TMEM161B: variants seen among roughly 807,000 people sequenced by gnomAD.
The protein encoded by TMEM161B is transmembrane protein 161B.
Under a neutral mutation model 61.8 loss-of-function variants are expected in TMEM161B, and 34 were observed. The observed-to-expected ratio is 0.55, with a 90% confidence interval of 0.42 to 0.73. The LOEUF is 0.73. Among genes scored for constraint, TMEM161B ranks in the 30% least tolerant of loss-of-function variants. The pLI, the probability that TMEM161B is intolerant of heterozygous loss-of-function variation, is 0.00. For missense variants in TMEM161B, 456 were observed against 558.5 expected, an observed-to-expected ratio of 0.82 and a Z score of 1.85; for synonymous variants, 167 against 192.8, an observed-to-expected ratio of 0.87 and a Z score of 1.11.
At chr5:88,192,024 A>ATATGTATG (rs371093617), downstream of TMEM161B, among the ~76,000 whole-genome samples, 1 of 51,504 alleles carries the variant, frequency 1.9e-5, no homozygotes, top group Non-Finnish European at 3.5e-5. Context: ...ATATATATAT[A>ATATGTATG]TATGTATATA....
At chr5:88,210,016 T>C (rs1487560432) in intron 5 of TMEM161B, among the ~76,000 whole-genome samples, 1 of 152,240 alleles carries the variant, frequency 6.6e-6, no homozygotes, top group Non-Finnish European at 1.5e-5. Flanking sequence ...AATCATATAC[T>C]ATCTTAAACT....
chr5:88,192,342 A>G (rs966460491), downstream of TMEM161B, among the ~76,000 whole-genome samples: 1 of 152,120 alleles, frequency 6.6e-6, no homozygotes, highest in Non-Finnish European at 1.5e-5. Flanking sequence ...AAGGAGTCCC[A>G]TGGTAACAGA....
downstream of TMEM161B, among the ~76,000 whole-genome samples, chr5:88,190,603 C>A (rs572477827): frequency 6.6e-6 from 1 of 152,310 alleles, no homozygotes; most frequent in Non-Finnish European, 1.5e-5. Context: ...TGAGTCAGTG[C>A]GGGAATTCCC....
chr5:88,235,887 C>A (rs538052887), intron 2 of TMEM161B, among the ~76,000 whole-genome samples: 1 of 152,286 alleles, frequency 6.6e-6, no homozygotes, highest in East Asian at 1.9e-4. Context: ...ATTATATACA[C>A]TTGTTAGAAA....
chr5:88,197,805 C>CA (rs750805044), intron 10 of TMEM161B, 40 bp from the exon 11 acceptor site: 1 of 1,542,656 alleles, frequency 6.5e-7, no homozygotes, highest in Non-Finnish European at 8.9e-7. Flanking sequence ...ATGCAACTGA[C>CA]ATGTTAGGAG....
At chr5:88,199,641 C>T (rs1743997620) in intron 9 of TMEM161B, 1 of 152,248 alleles carries the variant, frequency 6.6e-6, no homozygotes, top group South Asian at 2.1e-4. Context: ...ATGAAGAAAT[C>T]AGGTGCCTGA....
At chr5:88,201,664 T>C (rs1235772478) in intron 9 of TMEM161B, 1 of 152,060 alleles carries the variant, frequency 6.6e-6, no homozygotes, top group Non-Finnish European at 1.5e-5. Context: ...CAAGGAAGGA[T>C]TGGGAATGCT....
At chr5:88,220,320 G>A (rs1392260963) in intron 5 of TMEM161B, among the ~76,000 whole-genome samples, 1 of 151,994 alleles carries the variant, frequency 6.6e-6, no homozygotes, top group African/African-American at 2.4e-5. Context: ...CCTAAAAGAG[G>A]TGAATGTGGC....
intron 4 of TMEM161B, among the ~76,000 whole-genome samples, chr5:88,224,573 T>C (rs1307930695): frequency 6.6e-6 from 1 of 152,242 alleles, no homozygotes; most frequent in South Asian, 2.1e-4. Flanking sequence ...TAAATTTTTC[T>C]GATTTGTAAT....
chr5:88,203,265 T>A (rs529387775), intron 8 of TMEM161B, among the ~76,000 whole-genome samples, 190 bp from the exon 9 acceptor site: 1 of 152,164 alleles, frequency 6.6e-6, no homozygotes, highest in African/African-American at 2.4e-5. Context: ...TGAGAAATTA[T>A]ATCATTATCT....
chr5:88,219,612 T>C (rs1016139374), intron 5 of TMEM161B, among the ~76,000 whole-genome samples: 5 of 152,152 alleles, frequency 3.3e-5, no homozygotes, highest in Non-Finnish European at 7.4e-5. Flanking sequence ...AGAGGGTTTA[T>C]GTACAAGGCG....
chr5:88,224,707 C>T (rs918228373), intron 4 of TMEM161B, among the ~76,000 whole-genome samples: 5 of 152,208 alleles, frequency 3.3e-5, no homozygotes, highest in Admixed American at 1.3e-4. Context: ...TTGAACTGTG[C>T]GTGTCTACTT....
intron 4 of TMEM161B, among the ~76,000 whole-genome samples, 168 bp from the exon 5 acceptor site, chr5:88,220,887 T>C (rs974543759): frequency 2.0e-5 from 3 of 152,122 alleles, no homozygotes; most frequent in Non-Finnish European, 4.4e-5. Context: ...ATGCAAGAAA[T>C]AGACTGAGGA....
chr5:88,253,555 T>G (rs1259988723), intron 1 of TMEM161B, among the ~76,000 whole-genome samples: 1 of 152,176 alleles, frequency 6.6e-6, no homozygotes, highest in Non-Finnish European at 1.5e-5. Context: ...AGAAATAATG[T>G]GAAGTTCCAC....
downstream of TMEM161B, among the ~76,000 whole-genome samples, chr5:88,189,177 T>TATA (rs1427982411): frequency 6.6e-6 from 1 of 152,196 alleles, no homozygotes; most frequent in Non-Finnish European, 1.5e-5. Flanking sequence ...TGGGTGGCAT[T>TATA]ATACACACAA....
intron 5 of TMEM161B, among the ~76,000 whole-genome samples, chr5:88,209,896 C>A (rs990035054): frequency 6.6e-6 from 1 of 152,188 alleles, no homozygotes; most frequent in Non-Finnish European, 1.5e-5. Flanking sequence ...CAAGACTCAA[C>A]AAAAGCTCCA....
At chr5:88,221,451 T>C in intron 4 of TMEM161B, 1 of 253,082 alleles carries the variant, frequency 4.0e-6, no homozygotes, top group Non-Finnish European at 8.0e-6. Flanking sequence ...GTGAGCTGAG[T>C]TCACACCATG....
At chr5:88,214,966 C>A (rs1747551348) in intron 5 of TMEM161B, among the ~76,000 whole-genome samples, 1 of 152,190 alleles carries the variant, frequency 6.6e-6, no homozygotes. Context: ...TTTAAAAAGT[C>A]ATTCCTGTGC....
intron 1 of TMEM161B, among the ~76,000 whole-genome samples, chr5:88,264,024 T>A (rs754029912): frequency 5.9e-5 from 9 of 152,108 alleles, no homozygotes; most frequent in Non-Finnish European, 1.3e-4. Flanking sequence ...CATGTCAAAT[T>A]ACCACTCAGC....
Sources: allele counts gnomAD v4.1 joint callset (sites outside exome capture counted in the v4.1 genomes callset), GRCh38; gene constraint gnomAD v4.1.1; transcripts MANE v1.5; gene names NCBI Gene and HGNC (gene_info 2026-07-23, HGNC 2026-07-21).